Variants in CRTAP observed in about 807,000 individuals in gnomAD.
The protein encoded by CRTAP is cartilage-associated protein.
In CRTAP, 33 loss-of-function variants were observed where a neutral mutation model predicts 42.7. That is an observed-to-expected ratio of 0.77 (90% CI 0.59 to 1.03). The LOEUF (loss-of-function observed/expected upper bound fraction) is 1.03, where lower values mean the gene tolerates loss of function less well. Ranked by LOEUF, CRTAP falls within the 50% of genes least tolerant of loss-of-function variation. The pLI, the probability that CRTAP is intolerant of heterozygous loss-of-function variation, is 0.00. For missense variants in CRTAP, 613 were observed against 533.9 expected (o/e 1.15, Z -1.46); for synonymous variants, 243 against 217.7 (o/e 1.12, Z -1.02).
intron 1 of CRTAP, 108 bp downstream of exon 1, chr3:33,114,656 C>A (rs1461905198): frequency 8.8e-6 from 9 of 1,023,370 alleles, no homozygotes; most frequent in Non-Finnish European, 1.3e-5. Flanking sequence ...CAGTTCTAGA[C>A]CTGGCTCCCT....
chr3:33,140,320 G>A (rs2030538996), intron 6 of CRTAP, among the ~76,000 whole-genome samples: 1 of 152,164 alleles, frequency 6.6e-6, no homozygotes, highest in Admixed American at 6.5e-5. Context: ...GCACTTTCAA[G>A]ATAAAAGGAC....
rs546099932 is a variant in CRTAP, at chr3:33,139,677, C to T, written c.1153-2718C>T. On this transcript the variant is annotated intron_variant, in intron 6 of 6. Transcript: ENST00000320954. The stretch of plus-strand genomic sequence containing the variant: ...TATTTAGTAGAGACGGGGGTTTCAC[C>T]ATGTTGGCCAGTCTGGTCTCGAACT... Among the ~76,000 whole-genome samples the T allele has an allele frequency of 1.2e-3, 190 of 152,146 alleles. 1 individual carries two copies. The highest frequency in any genetic ancestry group is 2.2e-3 in the Non-Finnish European group (148 of 67,990).
rs2030606807 is a variant in CRTAP, at chr3:33,142,540, GC to G, written c.*94del. On this transcript the variant is annotated 3_prime_UTR_variant, in exon 7 of 7. Coordinates refer to ENST00000320954, the MANE Select transcript of CRTAP (RefSeq NM_006371.5). ...CAGCCCAGGCTGTTGATACCTCAGA[GC>G]CTTCTCTTTACTCTCCAAAGTGAAA... The G allele has an allele frequency of 5.6e-6, 7 of 1,242,058 alleles. No homozygotes were observed. In the South Asian group the frequency reaches 8.4e-5, roughly 15 times the overall value. The allele number at this position is 1,242,058 out of a possible 1,614,324, so 76.9% of individuals were successfully genotyped here. A position where few individuals can be genotyped will look rare whatever the true frequency, so the allele number is the denominator to read the frequency against.
intron 5 of CRTAP, 137 bp downstream of exon 5, chr3:33,132,837 T>C (rs2030308147): frequency 9.6e-7 from 1 of 1,045,234 alleles, no homozygotes; most frequent in Non-Finnish European, 1.4e-6. Context: ...CCCAGCACTT[T>C]GGGAGGCCGA....
chr3:33,133,790 CT>C (rs1330407765), intron 5 of CRTAP, among the ~76,000 whole-genome samples: 1 of 152,136 alleles, frequency 6.6e-6, no homozygotes, highest in Non-Finnish European at 1.5e-5. Flanking sequence ...ATTTAATTCC[CT>C]TGATAGGCAA....
chr3:33,139,762 G>A (rs1348914369), intron 6 of CRTAP, among the ~76,000 whole-genome samples: 1 of 152,218 alleles, frequency 6.6e-6, no homozygotes, highest in Non-Finnish European at 1.5e-5. Context: ...ACAGGCGTGA[G>A]CCACCGCACC....
At chr3:33,141,232 A>G (rs2030562008) in intron 6 of CRTAP, among the ~76,000 whole-genome samples, 1 of 152,172 alleles carries the variant, frequency 6.6e-6, no homozygotes. Flanking sequence ...AAACAATACC[A>G]TCATCCCGCA....
intron 3 of CRTAP, among the ~76,000 whole-genome samples, chr3:33,129,535 CTTTTTTTT>C (rs753545426): frequency 4.3e-5 from 5 of 115,732 alleles, no homozygotes; most frequent in African/African-American, 1.5e-4. Context: ...TTTTCTTTTT[CTTTTTTTT>C]TTTTTTTTTT....
rs1471960567 is a variant in CRTAP at position 33,147,102 on chromosome 3, A to C, written c.*4654A>C. The C allele has an allele frequency of 1.3e-5, 2 of 152,710 alleles. No homozygotes were observed. Among genetic ancestry groups the C allele is most frequent in the African/African-American group, 4.8e-5 (2 of 41,470 alleles). 9.5% of individuals were successfully genotyped at this position (152,710 alleles called of 1,614,324 possible). On this transcript the variant is annotated 3_prime_UTR_variant, in exon 7 of 7. Coordinates refer to ENST00000320954, the MANE Select transcript of CRTAP (RefSeq NM_006371.5). ...TGACTTCTTTTTTTCTGGTGACTCC[A>C]GGCCTGAATGACCTAGTGTGGAGAG...
chr3:33,118,890 T>C (rs1376911759), intron 1 of CRTAP, among the ~76,000 whole-genome samples: 2 of 152,204 alleles, frequency 1.3e-5, no homozygotes, highest in African/African-American at 4.8e-5. Context: ...TGCCGATAAG[T>C]GCCAGCCCTG....
At chr3:33,132,805 C>A in intron 5 of CRTAP, 105 bp downstream of exon 5, 4 of 1,365,846 alleles carry the variant, frequency 2.9e-6, no homozygotes, top group Non-Finnish European at 4.1e-6. Context: ...AGGGGCTGGG[C>A]GCGGTGACTC....
At chr3:33,141,896 G>A (rs1177955024) in intron 6 of CRTAP, among the ~76,000 whole-genome samples, 1 of 152,210 alleles carries the variant, frequency 6.6e-6, no homozygotes, top group Non-Finnish European at 1.5e-5. Flanking sequence ...AGTCACACCA[G>A]CAGTATGTAT....
rs1448729072 is a variant in CRTAP, at chr3:33,128,144, A to G, written c.794-1795A>G. Among the ~76,000 whole-genome samples the G allele has an allele frequency of 3.9e-5, 6 of 152,180 alleles. No individual in the cohort carries two copies. The South Asian group carries it at 1.0e-3, about 26-fold the overall frequency. On this transcript the variant is annotated intron_variant, in intron 3 of 6. Coordinates refer to ENST00000320954, the MANE Select transcript of CRTAP (RefSeq NM_006371.5). ...ATACTTCAGTTTATTTCCTAAGAACAATAATATTATCTAAATATCCATAGT... is the reference window on the plus strand; with the variant it reads ...ATACTTCAGTTTATTTCCTAAGAACGATAATATTATCTAAATATCCATAGT...
intron 4 of CRTAP, among the ~76,000 whole-genome samples, chr3:33,132,118 GT>G (rs1378511916): frequency 1.3e-5 from 2 of 152,104 alleles, no homozygotes; most frequent in Non-Finnish European, 2.9e-5. Flanking sequence ...TCCAGGTCTG[GT>G]TTAGCTGTAG....
chr3:33,132,712 G>A lies in CRTAP; in HGVS notation c.1068+12G>A. On this transcript the variant is annotated intron_variant, in intron 5 of 6. Coordinates refer to ENST00000320954, the MANE Select transcript of CRTAP (RefSeq NM_006371.5). Reference sequence around the variant, plus strand: ...TCCAGCCCAGACCTGTAAGTCTGGTGCACCACACCTTCCCTTTTCTCTTCA... The same window carrying A: ...TCCAGCCCAGACCTGTAAGTCTGGTACACCACACCTTCCCTTTTCTCTTCA... The A allele has an allele frequency of 1.9e-6, 3 of 1,613,408 alleles. No homozygotes were observed. The highest frequency in any genetic ancestry group is 2.5e-6 in the Non-Finnish European group (3 of 1,179,664).
chr3:33,114,649 T>G, intron 1 of CRTAP, 101 bp downstream of exon 1: 3 of 1,118,624 alleles, frequency 2.7e-6, no homozygotes, highest in Non-Finnish European at 3.9e-6. Flanking sequence ...GCCCCTCCAG[T>G]TCTAGACCTG....
At chr3:33,125,491 GTTT>G (rs60498778) in intron 3 of CRTAP, among the ~76,000 whole-genome samples, 2 of 30,122 alleles carry the variant, frequency 6.6e-5, no homozygotes, top group African/African-American at 1.3e-4. Context: ...TACAAAGTAG[GTTT>G]TTTTTTTTTT....
intron 6 of CRTAP, among the ~76,000 whole-genome samples, chr3:33,140,571 A>T (rs1293642574): frequency 6.6e-6 from 1 of 152,232 alleles, no homozygotes; most frequent in Non-Finnish European, 1.5e-5. Flanking sequence ...TATGTGTGGC[A>T]TTCTTCCTTA....
chr3:33,125,962 G>GTAA (rs2030054810), intron 3 of CRTAP, among the ~76,000 whole-genome samples: 1 of 152,054 alleles, frequency 6.6e-6, no homozygotes, highest in Non-Finnish European at 1.5e-5. Flanking sequence ...TTTTATTGTG[G>GTAA]TAAAATATAC....
Sources: gnomAD v4.1 joint callset for allele counts (sites outside exome capture counted in the v4.1 genomes callset) on GRCh38, gnomAD v4.1.1 for gene constraint, MANE v1.5 for transcripts, NCBI Gene and HGNC (gene_info 2026-07-23, HGNC 2026-07-21) for gene names.